Variants in P3H2 observed in about 807,000 individuals in gnomAD.
P3H2 encodes leprecan-like 1.
P3H2 carries 80 observed loss-of-function variants against 87.0 expected under a neutral mutation model. The ratio of observed to expected loss-of-function variants is 0.92; its 90% confidence interval spans 0.77 to 1.11. P3H2 has a LOEUF of 1.11. Ranked by LOEUF, P3H2 falls within the 50% of genes least tolerant of loss-of-function variation. P3H2 has a pLI of 0.00. For synonymous variants in P3H2, 367 were observed against 359.3 expected, an observed-to-expected ratio of 1.02 and a Z score of -0.24; for missense variants, 1,001 against 923.9, an observed-to-expected ratio of 1.08 and a Z score of -1.08.
At position 190,120,478 on chromosome 3, in the gene P3H2, G is replaced by C; in HGVS notation, c.254C>G (p.Ala85Gly). The change falls in exon 1 of 15, where the codon GCC becomes GGC. Residue 85 changes from alanine (A) to glycine (G), a missense_variant. Physicochemically the swap from Ala to Gly is moderately conservative, Grantham distance 60. Coordinates refer to ENST00000319332, the MANE Select transcript of P3H2 (RefSeq NM_018192.4). Reference sequence around the variant, plus strand: ...CGGGTGGCGCGCCGCGCAGTGGCGGGCACAGCGCGTGCGGATTTCCCGCAG... The same window carrying C: ...CGGGTGGCGCGCCGCGCAGTGGCGGCCACAGCGCGTGCGGATTTCCCGCAG... ...RRLREIRTRCARHCAARHPLP... is the reference protein window; with the variant it reads ...RRLREIRTRCGRHCAARHPLP... The C allele has an allele frequency of 6.9e-7, 1 of 1,440,304 alleles. No individual in the cohort carries two copies. The highest frequency in any genetic ancestry group is 9.1e-7 in the Non-Finnish European group (1 of 1,104,168). 89.2% of individuals were successfully genotyped at this position (1,440,304 alleles called of 1,614,324 possible).
At chr3:189,984,471 G>C in intron 7 of P3H2, 79 bp downstream of exon 7, 1 of 1,041,958 alleles carries the variant, frequency 9.6e-7, no homozygotes, top group South Asian at 1.3e-5. Context: ...ATTTCATAGA[G>C]CTACATTTCT....
chr3:190,098,543 C>A (rs959904542), intron 1 of P3H2, among the ~76,000 whole-genome samples: 1 of 152,160 alleles, frequency 6.6e-6, no homozygotes, highest in African/African-American at 2.4e-5. Context: ...TAAGCTGTTA[C>A]TATTCTAAGT....
At chr3:189,968,700 C>T (rs1723076038) in intron 13 of P3H2, among the ~76,000 whole-genome samples, 2 of 152,170 alleles carry the variant, frequency 1.3e-5, no homozygotes, top group Admixed American at 1.3e-4. Context: ...AACTAATTTA[C>T]ACTCCCACCA....
intron 1 of P3H2, among the ~76,000 whole-genome samples, chr3:190,067,383 C>G (rs1375191011): frequency 1.3e-5 from 2 of 152,126 alleles, no homozygotes; most frequent in East Asian, 3.8e-4. Context: ...TCCACAGAAG[C>G]AAAGAGACAA....
At chr3:189,986,930 G>T in intron 5 of P3H2, 53 bp from the exon 6 acceptor site, 1 of 1,182,842 alleles carries the variant, frequency 8.5e-7, no homozygotes, top group Non-Finnish European at 1.3e-6. Flanking sequence ...GCAGGTAAGA[G>T]ATATGATAAA....
At position 190,007,959 on chromosome 3, in the gene P3H2, G is replaced by GACACACACACACACACACAC. The variant is rs371622835; in HGVS notation, c.481-12518_481-12517insGTGTGTGTGTGTGTGTGTGT. On this transcript the variant is annotated intron_variant, in intron 1 of 14. Transcript: ENST00000319332. ...TCAGCTGCCTGAGACTCTATTTGTT[G>GACACACACACACACACACAC]ACACACATATATATATATATATATA... Among the ~76,000 whole-genome samples the GACACACACACACACACACAC allele has an allele frequency of 3.6e-3, 358 of 100,704 alleles. 10 individuals are homozygous for GACACACACACACACACACAC. The highest frequency in any genetic ancestry group is 6.2e-3 in the East Asian group (20 of 3,244). 66.1% of individuals were successfully genotyped at this position (100,704 alleles called of 152,430 possible).
At chr3:189,990,734 A>G (rs960974684) in intron 3 of P3H2, among the ~76,000 whole-genome samples, 10 of 152,248 alleles carry the variant, frequency 6.6e-5, no homozygotes, top group Admixed American at 6.5e-4. Context: ...ACAAGAATTT[A>G]CATAGTGAGA....
intron 8 of P3H2, 93 bp downstream of exon 8, chr3:189,982,953 G>C: frequency 1.1e-6 from 1 of 910,566 alleles, no homozygotes. Context: ...ATTTTCTAGA[G>C]AAAGTGGGTT....
At chr3:190,012,923 C>T (rs1395263736) in intron 1 of P3H2, among the ~76,000 whole-genome samples, 1 of 152,172 alleles carries the variant, frequency 6.6e-6, no homozygotes, top group African/African-American at 2.4e-5. Context: ...TGAAAGTCCG[C>T]TTAGCTCATA....
chr3:189,973,956 T>C lies in P3H2; in HGVS notation c.1501A>G (p.Thr501Ala), dbSNP rs1294582117. 1.2e-5 allele frequency: 20 copies of C among 1,614,034 alleles called. No homozygotes were observed. The highest frequency in any genetic ancestry group is 1.5e-5 in the Non-Finnish European group (18 of 1,180,016). Reference sequence around the variant, plus strand: ...GCACCTTCAAACTTTTCATTGGGTGTATGGGGTGAAGTTTTTCCTCTGTAT... The same window carrying C: ...GCACCTTCAAACTTTTCATTGGGTGCATGGGGTGAAGTTTTTCCTCTGTAT... The part of the protein sequence containing the change: ...DGYRGKTSPH[T>A]PNEKFEGATV... Residue 501 changes from threonine to alanine, a missense_variant, in exon 10 of 15, where the codon ACA (threonine) becomes GCA (alanine). Coordinates refer to ENST00000319332, the MANE Select transcript of P3H2 (RefSeq NM_018192.4).
rs748164416 is a variant in P3H2, at chr3:190,120,688, G to GGCA, written c.41_43dup (p.Leu14dup). ...CCACAGTGGCGGCGGCAGTAGCAGCGGCAGCAGCAGCAGCAGCGGCGGCGC... is the reference window on the plus strand; with the variant it reads ...CCACAGTGGCGGCGGCAGTAGCAGCGGCAGCAGCAGCAGCAGCAGCGGCGGCGC... On this transcript the variant is annotated inframe_insertion, in exon 1 of 15. Transcript: ENST00000319332. The GGCA allele has an allele frequency of 5.8e-4, 877 of 1,521,054 alleles. 2 individuals are homozygous for GGCA. Among genetic ancestry groups the GGCA allele is most frequent in the African/African-American group, 1.2e-3 (85 of 71,030 alleles). The allele number at this position is 1,521,054 out of a possible 1,614,324, so 94.2% of individuals were successfully genotyped here. A position where few individuals can be genotyped will look rare whatever the true frequency, so the allele number is the denominator to read the frequency against.
chr3:189,958,375 G>A (rs1002588910), intron 14 of P3H2, among the ~76,000 whole-genome samples: 9 of 151,982 alleles, frequency 5.9e-5, no homozygotes, highest in Non-Finnish European at 1.0e-4. Context: ...GACCAACATC[G>A]CTCACCTATT....
intron 1 of P3H2, among the ~76,000 whole-genome samples, chr3:190,114,730 T>C (rs1712224059): frequency 6.6e-6 from 1 of 152,176 alleles, no homozygotes; most frequent in Non-Finnish European, 1.5e-5. Context: ...CAAAAAAGTG[T>C]TCAGTTGTTA....
intron 1 of P3H2, among the ~76,000 whole-genome samples, chr3:190,101,316 C>CA (rs2108516066): frequency 1.1e-5 from 1 of 93,218 alleles, no homozygotes; most frequent in Non-Finnish European, 2.1e-5. Context: ...GGTCAAAAGC[C>CA]AAAATAGAAT....
At chr3:190,044,300 A>G (rs1403901469) in intron 1 of P3H2, among the ~76,000 whole-genome samples, 2 of 152,188 alleles carry the variant, frequency 1.3e-5, no homozygotes, top group African/African-American at 2.4e-5. Context: ...CACATGACAC[A>G]TTAGTTTCAG....
At chr3:189,973,661 C>T (rs1482268766) in intron 10 of P3H2, among the ~76,000 whole-genome samples, 2 of 151,604 alleles carry the variant, frequency 1.3e-5, no homozygotes, top group Admixed American at 1.3e-4. Flanking sequence ...GTAGCTGGGA[C>T]TACAGGCACC....
intron 1 of P3H2, among the ~76,000 whole-genome samples, chr3:190,005,767 G>A (rs1214524651): frequency 2.0e-5 from 3 of 152,182 alleles, no homozygotes; most frequent in African/African-American, 7.2e-5. Context: ...TGCAAGCCAA[G>A]GGGAATTTTA....
At chr3:190,076,234 T>C (rs1726874044) in intron 1 of P3H2, among the ~76,000 whole-genome samples, 1 of 151,988 alleles carries the variant, frequency 6.6e-6, no homozygotes, top group South Asian at 2.1e-4. Flanking sequence ...CAAGTGTCCT[T>C]AATTTTGAGA....
intron 1 of P3H2, among the ~76,000 whole-genome samples, chr3:190,114,233 G>C (rs2061368351): frequency 6.7e-6 from 1 of 148,574 alleles, no homozygotes; most frequent in Non-Finnish European, 1.5e-5. Context: ...GCCCAGGCTG[G>C]AGTGCGGTGG....
Sources: gnomAD v4.1 joint callset for allele counts (sites outside exome capture counted in the v4.1 genomes callset) on GRCh38, gnomAD v4.1.1 for gene constraint, MANE v1.5 for transcripts, NCBI Gene and HGNC (gene_info 2026-07-23, HGNC 2026-07-21) for gene names.